Variants in KCNQ1 observed in about 807,000 individuals in gnomAD.
The protein encoded by KCNQ1 is potassium voltage-gated channel subfamily KQT member 1.
Under a neutral mutation model 72.4 loss-of-function variants are expected in KCNQ1, and 49 were observed. The observed-to-expected ratio is 0.68, with a 90% CI of 0.54 to 0.86. The LOEUF (loss-of-function observed/expected upper bound fraction) is 0.86. KCNQ1 is among the 40% of genes least tolerant of loss of function. The pLI is 0.00. For missense variants in KCNQ1, 790 were observed against 945.1 expected, an observed-to-expected ratio of 0.84 and a Z score of 2.15; for synonymous variants, 450 against 412.6, an observed-to-expected ratio of 1.09 and a Z score of -1.10.
chr11:2,644,995 G>A (rs1032425945), intron 10 of KCNQ1: 27 of 398,714 alleles, frequency 6.8e-5, no homozygotes, highest in South Asian at 1.3e-4. Context: ...GCTGGTACCA[G>A]TGTTAGCAAG....
intron 15 of KCNQ1, among the ~76,000 whole-genome samples, chr11:2,839,539 C>T (rs1364587180): frequency 1.3e-5 from 2 of 152,164 alleles, no homozygotes; most frequent in Non-Finnish European, 2.9e-5. Flanking sequence ...CACATAGACC[C>T]CCTGGGGGCT....
In KCNQ1 at chr11:2,674,832, TAAAAAAAAAAAAAAAAA is replaced by T. The variant is rs34219164; in HGVS notation, c.1514+12763_1514+12779del. ...GCTTGTCACCCTAATAGCTGTTTTT[TAAAAAAAAAAAAAAAAA>T]AAAAAAAAAAAGCTCACTGGGCACC... is the stretch of plus-strand genomic sequence containing the variant. On this transcript the variant is annotated intron_variant, in intron 11 of 15. Coordinates refer to ENST00000155840, the MANE Select transcript of KCNQ1 (RefSeq NM_000218.3). The surrounding 1 kb of genome is among the most constrained non-coding windows in gnomAD (Gnocchi z 5.9). 69 of 303,900 alleles carry T rather than the reference TAAAAAAAAAAAAAAAAA, an allele frequency of 2.3e-4. No homozygotes were observed. In the East Asian group the frequency reaches 3.0e-3, roughly 13 times the overall value. 18.8% of individuals were successfully genotyped at this position (303,900 alleles called of 1,614,324 possible). A position where few individuals can be genotyped will look rare whatever the true frequency, so the allele number is the denominator to read the frequency against.
At chr11:2,500,591 ACT>A (rs1846993282) in intron 1 of KCNQ1, among the ~76,000 whole-genome samples, 1 of 152,216 alleles carries the variant, frequency 6.6e-6, no homozygotes, top group Non-Finnish European at 1.5e-5. Flanking sequence ...TTATTGCACC[ACT>A]ATTCACAATA....
rs1481034081 is a variant in KCNQ1 at position 2,720,014 on chromosome 11, T to C, written c.1515-48830T>C. ...GGAGGTGGAGCCGCTTCACCATACA[T>C]GCAAATGTAGCAAACTGCAAAATGT... On this transcript the variant is annotated intron_variant, in intron 11 of 15. Transcript: ENST00000155840. This position sits in a 1 kb window ranked among gnomAD's most constrained non-coding sequence, Gnocchi z 5.1. 6.6e-6 allele frequency among the ~76,000 whole-genome samples: 1 copy of C among 152,204 alleles called. No individual in the cohort carries two copies. Among genetic ancestry groups the C allele is most frequent in the Non-Finnish European group, 1.5e-5 (1 of 68,034 alleles).
At chr11:2,584,342 T>C (rs1457318472) in intron 7 of KCNQ1, among the ~76,000 whole-genome samples, 1 of 152,158 alleles carries the variant, frequency 6.6e-6, no homozygotes, top group African/African-American at 2.4e-5. Context: ...TGTGTGTTAG[T>C]GTGGGTTAGT....
In KCNQ1 at chr11:2,677,096, T is replaced by C. The variant is rs143533851; in HGVS notation, c.1514+15015T>C. ...CATTCAAATATATTCACTACTGAAATGACCACTTATGAAATTAGTTTCCCT... is the reference window on the plus strand; with the variant it reads ...CATTCAAATATATTCACTACTGAAACGACCACTTATGAAATTAGTTTCCCT... On this transcript the variant is annotated intron_variant, in intron 11 of 15. Transcript: ENST00000155840. This position sits in a 1 kb window ranked among gnomAD's most constrained non-coding sequence, Gnocchi z 4.5. The C allele has an allele frequency of 3.4e-4, 136 of 398,634 alleles. No homozygotes were observed. The East Asian group carries it at 4.8e-3, about 14-fold the overall frequency. 24.7% of individuals were successfully genotyped at this position (398,634 alleles called of 1,614,324 possible). A position where few individuals can be genotyped will look rare whatever the true frequency, so the allele number is the denominator to read the frequency against.
At position 2,479,203 on chromosome 11, in the gene KCNQ1, T is replaced by C. The variant is rs575700919; in HGVS notation, c.386+33719T>C. ...GCACATGGTGCAAGCTGTTGATGGATCTATCATTCTGGGATCTGGAGGACA... is the reference window on the plus strand; with the variant it reads ...GCACATGGTGCAAGCTGTTGATGGACCTATCATTCTGGGATCTGGAGGACA... On this transcript the variant is annotated intron_variant, in intron 1 of 15. Coordinates refer to ENST00000155840, the MANE Select transcript of KCNQ1 (RefSeq NM_000218.3). This position sits in a 1 kb window ranked among gnomAD's most constrained non-coding sequence, Gnocchi z 4.6. 1.3e-5 allele frequency among the ~76,000 whole-genome samples: 2 copies of C among 152,266 alleles called. No homozygotes were observed. The highest frequency in any genetic ancestry group is 3.9e-4 in the East Asian group (2 of 5,168).
rs568337603 is a variant in KCNQ1 at position 2,595,164 on chromosome 11, A to G, written c.1393+6310A>G. Among the ~76,000 whole-genome samples, 1 of 152,182 alleles carries G rather than the reference A, an allele frequency of 6.6e-6. No individual in the cohort carries two copies. Among genetic ancestry groups the G allele is most frequent in the Non-Finnish European group, 1.5e-5 (1 of 68,038 alleles). On this transcript the variant is annotated intron_variant, in intron 10 of 15. Coordinates refer to ENST00000155840, the MANE Select transcript of KCNQ1 (RefSeq NM_000218.3). This position sits in a 1 kb window ranked among gnomAD's most constrained non-coding sequence, Gnocchi z 5.0. The stretch of plus-strand genomic sequence containing the variant: ...CAAGTCTAAGTAACATATATTGAGA[A>G]GAGAGTTTTATTTTATAAAATAAAA...
In KCNQ1 at chr11:2,682,897, C is replaced by T; in HGVS notation, c.1514+20816C>T. ...CTTGGGGATAGCAGATGTTCCCAGA[C>T]AGAAAATGGTGGCACCTGGAGAGGT... is the stretch of plus-strand genomic sequence containing the variant. On this transcript the variant is annotated intron_variant, in intron 11 of 15. Transcript: ENST00000155840. This position sits in a 1 kb window ranked among gnomAD's most constrained non-coding sequence, Gnocchi z 5.8. 2.5e-6 allele frequency: 1 copy of T among 398,602 alleles called. No individual in the cohort carries two copies. 24.7% of individuals were successfully genotyped at this position (398,602 alleles called of 1,614,324 possible).
At position 2,550,193 on chromosome 11, in the gene KCNQ1, C is replaced by G. The variant is rs561955558; in HGVS notation, c.478-20435C>G. Among the ~76,000 whole-genome samples the G allele has an allele frequency of 1.3e-5, 2 of 152,236 alleles. No homozygotes were observed. The highest frequency in any genetic ancestry group is 4.1e-4 in the South Asian group (2 of 4,832). ...CCGCAGGCAGTGCACGTCCCTCCCC[C>G]GCCTCTCTTTGCCGTTGCCGGGACT... On this transcript the variant is annotated intron_variant, in intron 2 of 15. Transcript: ENST00000155840. The surrounding 1 kb of genome is among the most constrained non-coding windows in gnomAD (Gnocchi z 6.0).
rs1427955640 is a variant in KCNQ1 at position 2,762,073 on chromosome 11, G to C, written c.1515-6771G>C. Among the ~76,000 whole-genome samples the C allele has an allele frequency of 2.0e-5, 3 of 152,224 alleles. No individual in the cohort carries two copies. On this transcript the variant is annotated intron_variant, in intron 11 of 15. Transcript: ENST00000155840. The surrounding 1 kb of genome is among the most constrained non-coding windows in gnomAD (Gnocchi z 4.3). ...GCCAGTGGTAGACCCTTCACGGTCA[G>C]GCACCTATGACTCCCCGTTCCCTGC... is the stretch of plus-strand genomic sequence containing the variant.
rs1847875180 is a variant in KCNQ1, at chr11:2,828,072, A to G, written c.1795-19695A>G. On this transcript the variant is annotated intron_variant, in intron 15 of 15. Transcript: ENST00000155840. The surrounding 1 kb of genome is among the most constrained non-coding windows in gnomAD (Gnocchi z 5.3). ...GGGCGAGGGCAGGACAAAGGCTGGC[A>G]GCACCACACAGGAGCCAGCAGGGAA... Among the ~76,000 whole-genome samples, 3 of 152,218 alleles carry G rather than the reference A, an allele frequency of 2.0e-5. No homozygotes were observed. Among genetic ancestry groups the G allele is most frequent in the Non-Finnish European group, 4.4e-5 (3 of 68,024 alleles).
rs534463312 is a variant in KCNQ1 at position 2,463,024 on chromosome 11, G to T, written c.386+17540G>T. On this transcript the variant is annotated intron_variant, in intron 1 of 15. Transcript: ENST00000155840. The surrounding 1 kb of genome is among the most constrained non-coding windows in gnomAD (Gnocchi z 7.0). ...GTAAGCGGGGCAGCGGCGGCAGGGG[G>T]CCCAGGGAAGTGGGGCCAGTCGGGG... is the stretch of plus-strand genomic sequence containing the variant. Among the ~76,000 whole-genome samples the T allele has an allele frequency of 6.6e-6, 1 of 152,158 alleles. No homozygotes were observed. Among genetic ancestry groups the T allele is most frequent in the East Asian group, 1.9e-4 (1 of 5,192 alleles).
chr11:2,474,465 G>T (rs995474270), intron 1 of KCNQ1, among the ~76,000 whole-genome samples: 3 of 152,208 alleles, frequency 2.0e-5, no homozygotes, highest in African/African-American at 4.8e-5. Context: ...GCCAGATGAT[G>T]GGCCCTAAGT....
intron 15 of KCNQ1, among the ~76,000 whole-genome samples, chr11:2,799,807 CA>C (rs2134023146): frequency 1.3e-5 from 2 of 152,268 alleles, no homozygotes; most frequent in East Asian, 3.9e-4. Context: ...TAGAGTTGTA[CA>C]GAGTGGAAAT....
At position 2,613,819 on chromosome 11, in the gene KCNQ1, G is replaced by T. The variant is rs1167919026; in HGVS notation, c.1393+24965G>T. On this transcript the variant is annotated intron_variant, in intron 10 of 15. Coordinates refer to ENST00000155840, the MANE Select transcript of KCNQ1 (RefSeq NM_000218.3). This position sits in a 1 kb window ranked among gnomAD's most constrained non-coding sequence, Gnocchi z 4.8. Reference sequence around the variant, plus strand: ...ATCCTAATTCCCCCTACCCATTATAGGTAACCAGTTTCAGTGTTTTCTAGT... The same window carrying T: ...ATCCTAATTCCCCCTACCCATTATATGTAACCAGTTTCAGTGTTTTCTAGT... The T allele has an allele frequency of 2.5e-6, 1 of 398,260 alleles. No homozygotes were observed. The highest frequency in any genetic ancestry group is 2.1e-5 in the African/African-American group (1 of 48,550). The allele number at this position is 398,260 out of a possible 1,614,324, so 24.7% of individuals were successfully genotyped here. A position where few individuals can be genotyped will look rare whatever the true frequency, so the allele number is the denominator to read the frequency against.
chr11:2,819,858 C>T (rs1488022849), intron 15 of KCNQ1, among the ~76,000 whole-genome samples: 3 of 152,108 alleles, frequency 2.0e-5, no homozygotes, highest in Non-Finnish European at 4.4e-5. Context: ...GTATTTTTTG[C>T]CTTGAAACTT....
intron 15 of KCNQ1, among the ~76,000 whole-genome samples, chr11:2,831,158 T>G (rs1305518235): frequency 1.3e-5 from 2 of 152,310 alleles, no homozygotes; most frequent in South Asian, 4.1e-4. Context: ...CAATGGGATG[T>G]TCTCAGAATG....
At chr11:2,503,021 TA>T (rs528578778) in intron 1 of KCNQ1, among the ~76,000 whole-genome samples, 28 of 151,758 alleles carry the variant, frequency 1.8e-4, no homozygotes, top group Non-Finnish European at 3.7e-4. Context: ...TCTCACCATA[TA>T]AAAAAAACAA....
Sources: gnomAD v4.1 joint callset for allele counts (sites outside exome capture counted in the v4.1 genomes callset) on GRCh38, gnomAD v4.1.1 for gene constraint, Gnocchi (gnomAD v3.1) non-coding constraint, MANE v1.5 for transcripts, NCBI Gene and HGNC (gene_info 2026-07-23, HGNC 2026-07-21) for gene names.